Variants in RBFOX1 observed in about 807,000 individuals in gnomAD.
RBFOX1 encodes RNA binding protein fox-1 homolog 1.
RBFOX1 carries 8 observed loss-of-function variants against 57.7 expected under a neutral mutation model. The ratio of observed to expected loss-of-function variants is 0.14; its 90% confidence interval spans 0.08 to 0.25. The LOEUF (loss-of-function observed/expected upper bound fraction) is 0.25, where lower values mean the gene tolerates loss of function less well. Among genes scored for constraint, RBFOX1 ranks in the 10% least tolerant of loss-of-function variants. The probability of loss-of-function intolerance (pLI) is 1.00; values close to 1 mark genes in which losing one functional copy is unlikely to be tolerated. For missense variants in RBFOX1, 611 were observed against 548.5 expected, an observed-to-expected ratio of 1.11 and a Z score of -1.14; for synonymous variants, 326 against 222.4, an observed-to-expected ratio of 1.47 and a Z score of -4.15.
At chr16:7,014,301 C>G (rs1378960117) in intron 3 of RBFOX1, among the ~76,000 whole-genome samples, 1 of 152,076 alleles carries the variant, frequency 6.6e-6, no homozygotes, top group African/African-American at 2.4e-5. Context: ...CAATGTTAGC[C>G]TCCTGGGTTC....
At chr16:5,843,153 A>T (rs1327475862) in intron 3 of RBFOX1, among the ~76,000 whole-genome samples, 1 of 152,058 alleles carries the variant, frequency 6.6e-6, no homozygotes, top group African/African-American at 2.4e-5. Flanking sequence ...ATCTTTCATT[A>T]TAGGTTCAGG....
At chr16:6,161,832 C>CTAG (rs1421408678) in intron 1 of RBFOX1, among the ~76,000 whole-genome samples, 2 of 152,284 alleles carry the variant, frequency 1.3e-5, no homozygotes, top group East Asian at 3.9e-4. Flanking sequence ...TTTTGTGAAG[C>CTAG]GTCTAGCCAG....
chr16:7,363,453 G>A (rs1036171741), intron 4 of RBFOX1, among the ~76,000 whole-genome samples: 6 of 151,870 alleles, frequency 4.0e-5, no homozygotes, highest in African/African-American at 1.5e-4. Context: ...GTCTGAGCCA[G>A]ATTCAATCCT....
intron 4 of RBFOX1, among the ~76,000 whole-genome samples, chr16:7,394,617 G>A (rs1414269263): frequency 1.3e-5 from 2 of 152,140 alleles, no homozygotes; most frequent in Non-Finnish European, 2.9e-5. Context: ...TCCAACGGGT[G>A]CCACTACAGT....
At chr16:6,253,675 A>ATGTGTC (rs1399816209) in intron 1 of RBFOX1, among the ~76,000 whole-genome samples, 3 of 144,908 alleles carry the variant, frequency 2.1e-5, no homozygotes, top group Admixed American at 7.0e-5. Flanking sequence ...GTGTGTGTGC[A>ATGTGTC]TGTGTGTGTG....
At chr16:7,198,007 T>TTC (rs1485027856) in intron 4 of RBFOX1, among the ~76,000 whole-genome samples, 5 of 127,756 alleles carry the variant, frequency 3.9e-5, no homozygotes, top group Admixed American at 3.1e-4. Context: ...TCTTTTTTTT[T>TTC]TTTTTTTTTT....
intron 1 of RBFOX1, among the ~76,000 whole-genome samples, chr16:5,271,908 G>A (rs570976650): frequency 1.3e-5 from 2 of 152,314 alleles, no homozygotes; most frequent in Admixed American, 6.5e-5. Flanking sequence ...GTTCGTCTAT[G>A]TTGTTGAAAA....
intron 4 of RBFOX1, among the ~76,000 whole-genome samples, chr16:5,984,245 C>G (rs2060237888): frequency 1.4e-5 from 2 of 142,364 alleles, no homozygotes; most frequent in East Asian, 2.1e-4. Flanking sequence ...GAACCAGGAG[C>G]AATAAAAGTC....
intron 3 of RBFOX1, among the ~76,000 whole-genome samples, chr16:7,001,153 T>G (rs1358278922): frequency 6.6e-6 from 1 of 152,140 alleles, no homozygotes; most frequent in Admixed American, 6.6e-5. Flanking sequence ...CAAATCCGTT[T>G]GAGTTAGTTT....
At chr16:7,238,074 T>A (rs1216885525) in intron 4 of RBFOX1, among the ~76,000 whole-genome samples, 1 of 152,200 alleles carries the variant, frequency 6.6e-6, no homozygotes, top group Non-Finnish European at 1.5e-5. Context: ...CTAAGTGAAA[T>A]GAGCTTGTCA....
intron 4 of RBFOX1, among the ~76,000 whole-genome samples, chr16:5,879,041 TG>T (rs1463898866): frequency 6.6e-6 from 1 of 152,258 alleles, no homozygotes; most frequent in Non-Finnish European, 1.5e-5. Flanking sequence ...GCAAGAATTC[TG>T]GTCCTGTAGC....
chr16:7,058,259 C>T (rs1208709743), intron 4 of RBFOX1, among the ~76,000 whole-genome samples: 1 of 152,076 alleles, frequency 6.6e-6, no homozygotes, highest in Non-Finnish European at 1.5e-5. Flanking sequence ...GGTTTTTATG[C>T]CAATCAGAAA....
At chr16:6,825,563 G>A (rs1219260021) in intron 3 of RBFOX1, among the ~76,000 whole-genome samples, 1 of 152,096 alleles carries the variant, frequency 6.6e-6, no homozygotes, top group Non-Finnish European at 1.5e-5. Context: ...ACCTACGCAC[G>A]TGTGAAGCAT....
intron 4 of RBFOX1, among the ~76,000 whole-genome samples, chr16:7,472,990 C>G (rs546632108): frequency 1.6e-5 from 2 of 121,324 alleles, no homozygotes; most frequent in African/African-American, 5.6e-5. Flanking sequence ...TGTCAGCAAG[C>G]TCTCCATTCC....
chr16:5,834,280 G>T (rs2056379413), intron 3 of RBFOX1, among the ~76,000 whole-genome samples: 2 of 152,084 alleles, frequency 1.3e-5, no homozygotes, highest in Admixed American at 6.5e-5. Context: ...AGTCTCCAAT[G>T]TCCACCATAC....
chr16:6,689,507 A>G (rs913106924), intron 3 of RBFOX1, among the ~76,000 whole-genome samples: 1 of 152,066 alleles, frequency 6.6e-6, no homozygotes, highest in Non-Finnish European at 1.5e-5. Context: ...TAATGCACAA[A>G]TTTTTTTTAT....
chr16:7,548,594 A>T (rs760907270), intron 5 of RBFOX1, among the ~76,000 whole-genome samples: 11 of 152,224 alleles, frequency 7.2e-5, no homozygotes, highest in Non-Finnish European at 1.5e-4. Flanking sequence ...ATGCACACAC[A>T]TGCGGTTGCA....
At chr16:7,353,840 A>G (rs956269540) in intron 4 of RBFOX1, among the ~76,000 whole-genome samples, 1 of 152,150 alleles carries the variant, frequency 6.6e-6, no homozygotes, top group African/African-American at 2.4e-5. Context: ...ATGGATATGG[A>G]TTTTCTTTTT....
intron 2 of RBFOX1, among the ~76,000 whole-genome samples, chr16:6,326,741 A>G (rs2082414098): frequency 6.8e-6 from 1 of 145,988 alleles, no homozygotes; most frequent in Admixed American, 6.8e-5. Context: ...CACTAATCAT[A>G]GGAGGCAATT....
Sources: gnomAD v4.1 joint callset for allele counts (sites outside exome capture counted in the v4.1 genomes callset) on GRCh38, gnomAD v4.1.1 for gene constraint, MANE v1.5 for transcripts, NCBI Gene and HGNC (gene_info 2026-07-23, HGNC 2026-07-21) for gene names.